Variants in LRPAP1 observed in about 807,000 individuals in gnomAD.
LRPAP1 encodes the protein alpha-2-macroglobulin receptor-associated protein.
A neutral mutation model predicts 39.9 loss-of-function variants in LRPAP1; 41 were observed. That is an observed-to-expected ratio of 1.03 (90% CI 0.80 to 1.33). The LOEUF (loss-of-function observed/expected upper bound fraction) is 1.33, where lower values mean the gene tolerates loss of function less well. LRPAP1 is among the 40% of genes most tolerant of loss of function. LRPAP1 has a pLI of 0.00. For missense variants in LRPAP1, 565 were observed against 482.3 expected, an observed-to-expected ratio of 1.17 and a Z score of -1.61; for synonymous variants, 263 against 212.7, an observed-to-expected ratio of 1.24 and a Z score of -2.06.
chr4:3,518,996 G>A lies in LRPAP1; in HGVS notation c.472-5C>T. The A allele has an allele frequency of 3.7e-6, 6 of 1,613,074 alleles. No individual in the cohort carries two copies. The African/African-American group carries it at 4.0e-5, about 11-fold the overall frequency. On this transcript the variant is annotated splice_polypyrimidine_tract_variant and splice_region_variant and intron_variant, in intron 3 of 7. Coordinates refer to ENST00000650182, the MANE Select transcript of LRPAP1 (RefSeq NM_002337.4). Reference sequence around the variant, plus strand: ...GAATTTCCCAGAGGTCTTCGCCTAAGAGGGAAACAAGGCCTGGAGTGAACC... The same window carrying A: ...GAATTTCCCAGAGGTCTTCGCCTAAAAGGGAAACAAGGCCTGGAGTGAACC...
rs140609967 is a variant in LRPAP1 at position 3,523,594 on chromosome 4, C to A, written c.349+1313G>T. Among the ~76,000 whole-genome samples, 49 of 152,344 alleles carry A rather than the reference C, an allele frequency of 3.2e-4. 5 individuals are homozygous for A. The East Asian group carries it at 4.8e-3, about 15-fold the overall frequency. On this transcript the variant is annotated intron_variant, in intron 2 of 7. Coordinates refer to ENST00000650182, the MANE Select transcript of LRPAP1 (RefSeq NM_002337.4). ...CAAATCTTTGCTGCACTACTCGGCT[C>A]TGCAACTCCAGACAAATCACCCTCT...
At position 3,511,750 on chromosome 4, in the gene LRPAP1, A is replaced by T. The variant is rs895402679; in HGVS notation, c.*1224T>A. The T allele has an allele frequency of 1.5e-4, 23 of 149,754 alleles. 5 individuals are homozygous for T. The highest frequency in any genetic ancestry group is 1.3e-3 in the South Asian group (6 of 4,744). 9.3% of individuals were successfully genotyped at this position (149,754 alleles called of 1,614,324 possible). A position where few individuals can be genotyped will look rare whatever the true frequency, so the allele number is the denominator to read the frequency against. On this transcript the variant is annotated 3_prime_UTR_variant, in exon 8 of 8. Transcript: ENST00000650182. ...GAACCACGCTCGGAGCTGGACCCGGACCCGAGCCTCTTCCAGGCTCAGACA... is the reference window on the plus strand; with the variant it reads ...GAACCACGCTCGGAGCTGGACCCGGTCCCGAGCCTCTTCCAGGCTCAGACA...
chr4:3,505,271 G>C lies in LRPAP1; in HGVS notation c.*7703C>G, dbSNP rs1193410122. Among the ~76,000 whole-genome samples the C allele has an allele frequency of 6.6e-6, 1 of 152,194 alleles. No homozygotes were observed. Among genetic ancestry groups the C allele is most frequent in the Non-Finnish European group, 1.5e-5 (1 of 68,018 alleles). On this transcript the variant is annotated 3_prime_UTR_variant, in exon 8 of 8. Transcript: ENST00000650182. ...CAGCGGCTGCGGTGGCAGTGGTGGG[G>C]GAGCAGGCATGGCACCCGGAGCACT...
At chr4:3,524,300 C>T (rs886562334) in intron 2 of LRPAP1, among the ~76,000 whole-genome samples, 4 of 152,246 alleles carry the variant, frequency 2.6e-5, no homozygotes, top group African/African-American at 7.2e-5. Flanking sequence ...ACTGTCCTGC[C>T]TCTTCTTGAA....
chr4:3,527,636 A>G (rs1730120430), intron 1 of LRPAP1, among the ~76,000 whole-genome samples: 1 of 152,208 alleles, frequency 6.6e-6, no homozygotes, highest in Non-Finnish European at 1.5e-5. Flanking sequence ...ATTCAGGCCC[A>G]TGCTCTCAAG....
intron 1 of LRPAP1, among the ~76,000 whole-genome samples, chr4:3,529,827 C>T (rs1178642790): frequency 6.6e-6 from 1 of 152,234 alleles, no homozygotes; most frequent in Admixed American, 6.5e-5. Flanking sequence ...TGACACACTA[C>T]GCAATCCTAT....
intron 6 of LRPAP1, 125 bp downstream of exon 6, chr4:3,515,991 G>C (rs1165812728): frequency 1.0e-5 from 10 of 961,016 alleles, no homozygotes; most frequent in Non-Finnish European, 1.6e-5. Flanking sequence ...GAGTGGTTAA[G>C]GAAGAAACTG....
In LRPAP1 at chr4:3,520,092, G is replaced by C. The variant is rs1729863388; in HGVS notation, c.451C>G (p.Leu151Val). 1 of 1,614,050 alleles carries C rather than the reference G, an allele frequency of 6.2e-7. No homozygotes were observed. Among genetic ancestry groups the C allele is most frequent in the African/African-American group, 1.3e-5 (1 of 74,928 alleles). Reference protein sequence around the residue: ...TQEDGLDDPRLEKLWHKAKTS... With the variant: ...TQEDGLDDPRVEKLWHKAKTS... ...AGTACCTTGTGCCACAGCTTTTCCA[G>C]CCTGGGGTCATCCAGCCCGTCTTCC... Residue 151 changes from leucine (L) to valine (V), a missense_variant, in exon 3 of 8, where the codon CTG becomes GTG. Leu to Val is a conservative substitution (Grantham distance 32, BLOSUM62 1). Coordinates refer to ENST00000650182, the MANE Select transcript of LRPAP1 (RefSeq NM_002337.4).
Position 3,506,015 on chromosome 4 carries a change from T to TA in LRPAP1, c.*6958dup, listed in dbSNP as rs59614185. 0.19 allele frequency among the ~76,000 whole-genome samples: 27,940 copies of TA among 149,066 alleles called. 2,722 individuals carry two copies. Among genetic ancestry groups the TA allele is most frequent in the South Asian group, 0.32 (1,523 of 4,754 alleles). ...TACCTGGAAACCCAGCTTAGGGAAG[T>TA]AAAAAAAAAATCACTGCATCTCATA... On this transcript the variant is annotated 3_prime_UTR_variant, in exon 8 of 8. Coordinates refer to ENST00000650182, the MANE Select transcript of LRPAP1 (RefSeq NM_002337.4).
chr4:3,515,968 A>G (rs1023992454), intron 6 of LRPAP1, 148 bp downstream of exon 6: 29 of 754,646 alleles, frequency 3.8e-5, no homozygotes, highest in Non-Finnish European at 6.1e-5. Context: ...AGGAAAACGC[A>G]AGCAGGTTCA....
At chr4:3,531,247 C>T (rs1009100815) in intron 1 of LRPAP1, among the ~76,000 whole-genome samples, 2 of 152,146 alleles carry the variant, frequency 1.3e-5, no homozygotes, top group Non-Finnish European at 2.9e-5. Context: ...CCCATCCCCA[C>T]GCAGTCTTAT....
At chr4:3,519,437 C>G (rs1489201489) in intron 3 of LRPAP1, among the ~76,000 whole-genome samples, 2 of 152,252 alleles carry the variant, frequency 1.3e-5, no homozygotes, top group African/African-American at 2.4e-5. Flanking sequence ...ACAGGGCCCT[C>G]TCTCCCTCTC....
chr4:3,529,385 C>A (rs530483828), intron 1 of LRPAP1, among the ~76,000 whole-genome samples: 6 of 152,268 alleles, frequency 3.9e-5, no homozygotes, highest in South Asian at 2.1e-4. Flanking sequence ...ACTCCGAGCT[C>A]ATGGCACCGT....
chr4:3,511,037 C>T lies in LRPAP1; in HGVS notation c.*1937G>A, dbSNP rs1187814757. 6.6e-6 allele frequency: 1 copy of T among 152,284 alleles called. No homozygotes were observed. The highest frequency in any genetic ancestry group is 1.5e-5 in the Non-Finnish European group (1 of 68,032). 9.4% of individuals were successfully genotyped at this position (152,284 alleles called of 1,614,324 possible). ...AGAGGCCATTATACAGTAAGACACG[C>T]TACTCCGCAATTAGACACCACAAAA... On this transcript the variant is annotated 3_prime_UTR_variant, in exon 8 of 8. Transcript: ENST00000650182.
rs1356310383 is a variant in LRPAP1, at chr4:3,531,454, C to A, written c.204+755G>T. 2.0e-5 allele frequency among the ~76,000 whole-genome samples: 3 copies of A among 152,174 alleles called. No individual in the cohort carries two copies. The South Asian group carries it at 6.2e-4, about 32-fold the overall frequency. On this transcript the variant is annotated intron_variant, in intron 1 of 7. Transcript: ENST00000650182. The stretch of plus-strand genomic sequence containing the variant: ...TGAGGCCCAGATGGTCGGCATAGTT[C>A]GAAAACACCCATTTCAGGTGTTTTC...
chr4:3,521,126 G>T (rs1729896549), intron 2 of LRPAP1, among the ~76,000 whole-genome samples: 1 of 152,186 alleles, frequency 6.6e-6, no homozygotes, highest in South Asian at 2.1e-4. Context: ...TGGAATCCGG[G>T]GCCCATGCAA....
rs1439035862 is a variant in LRPAP1, at chr4:3,509,217, A to T, written c.*3757T>A. On this transcript the variant is annotated 3_prime_UTR_variant, in exon 8 of 8. Coordinates refer to ENST00000650182, the MANE Select transcript of LRPAP1 (RefSeq NM_002337.4). ...CATACATGGCAGTCAACGCATGGAC[A>T]CCGGAGACTGTTGAGACGCCGACTG... is the stretch of plus-strand genomic sequence containing the variant. 6.6e-6 allele frequency: 1 copy of T among 152,218 alleles called. No homozygotes were observed. The highest frequency in any genetic ancestry group is 2.4e-5 in the African/African-American group (1 of 41,436). The allele number at this position is 152,218 out of a possible 1,614,324, so 9.4% of individuals were successfully genotyped here.
chr4:3,525,861 C>T (rs1730065150), intron 1 of LRPAP1, among the ~76,000 whole-genome samples: 1 of 152,258 alleles, frequency 6.6e-6, no homozygotes, highest in African/African-American at 2.4e-5. Context: ...GTCAGAAAGA[C>T]TGGGCCAGAA....
intron 5 of LRPAP1, 87 bp downstream of exon 5, chr4:3,517,947 C>T (rs138898232): frequency 2.6e-5 from 39 of 1,483,596 alleles, no homozygotes; most frequent in Non-Finnish European, 3.4e-5. Context: ...AGGTTCCCGT[C>T]GCTACAAGCA....
Sources: allele counts gnomAD v4.1 joint callset (sites outside exome capture counted in the v4.1 genomes callset), GRCh38; gene constraint gnomAD v4.1.1; transcripts MANE v1.5; gene names NCBI Gene and HGNC (gene_info 2026-07-23, HGNC 2026-07-21).